The following KDM2B variants were observed in gnomAD, a reference collection of about 807,000 sequenced individuals.
KDM2B encodes lysine-specific demethylase 2B.
Under a neutral mutation model 150.0 loss-of-function variants are expected in KDM2B, and 26 were observed. The ratio of observed to expected loss-of-function variants is 0.17; its 90% CI spans 0.13 to 0.24. The LOEUF (loss-of-function observed/expected upper bound fraction) is 0.24, where lower values mean the gene tolerates loss of function less well. KDM2B is among the 10% of genes least tolerant of loss of function. KDM2B has a pLI of 1.00. For missense variants in KDM2B, 1,265 were observed against 1,816.9 expected (o/e 0.70, Z 5.52); for synonymous variants, 734 against 729.5 (o/e 1.01, Z -0.10).
chr12:121,419,087 A>G, the KDM2B span, among the ~76,000 whole-genome samples: 5 of 150,128 alleles, frequency 3.3e-5, 1 homozygote, highest in Admixed American at 3.3e-4. Flanking sequence ...TGTGTCCTCT[A>G]ATAATGTTTT....
At chr12:121,522,856 T>C (rs535554473) in intron 8 of KDM2B, among the ~76,000 whole-genome samples, 2 of 152,194 alleles carry the variant, frequency 1.3e-5, no homozygotes, top group East Asian at 1.9e-4. Flanking sequence ...ACAAAAATTA[T>C]GGATGAGGAA....
rs1053504858 is a variant in KDM2B at position 121,535,106 on chromosome 12, G to A, written c.684-516C>T. 2.6e-5 allele frequency among the ~76,000 whole-genome samples: 4 copies of A among 151,772 alleles called. No homozygotes were observed. The East Asian group carries it at 5.8e-4, about 22-fold the overall frequency. ...TTCATTCAACCAGAGGTCCAGCCCC[G>A]AGCCAGCTTTGGCCTTGAGAGAAAT... On this transcript the variant is annotated intron_variant, in intron 6 of 22. Transcript: ENST00000377071.
At chr12:121,496,563 C>G (rs1269448452) in intron 11 of KDM2B, among the ~76,000 whole-genome samples, 1 of 146,038 alleles carries the variant, frequency 6.8e-6, no homozygotes, top group Non-Finnish European at 1.5e-5. Context: ...GGCACAATCT[C>G]AGCTCACTGT....
At chr12:121,436,890 G>GAGCAAAACCTCCCACTTACTGT (rs1555286911) in intron 22 of KDM2B, among the ~76,000 whole-genome samples, 1 of 152,180 alleles carries the variant, frequency 6.6e-6, no homozygotes, top group East Asian at 1.9e-4. Context: ...GAAGATGGTG[G>GAGCAAAACCTCCCACTTACTGT]AGCAAAACCT....
chr12:121,469,763 T>TA (rs1880559768), intron 12 of KDM2B: 1 of 152,024 alleles, frequency 6.6e-6, no homozygotes, highest in Non-Finnish European at 1.5e-5. Flanking sequence ...TGGTCAAGCC[T>TA]ACAGGGGTAT....
chr12:121,479,928 C>A (rs1047353449), intron 12 of KDM2B, among the ~76,000 whole-genome samples: 1 of 152,014 alleles, frequency 6.6e-6, no homozygotes, highest in East Asian at 1.9e-4. Flanking sequence ...AGCTCTCTCG[C>A]TTTTAAAGAG....
chr12:121,494,899 C>T (rs1231864033), intron 11 of KDM2B, among the ~76,000 whole-genome samples: 1 of 152,122 alleles, frequency 6.6e-6, no homozygotes, highest in Non-Finnish European at 1.5e-5. Flanking sequence ...CAAAGCAAAT[C>T]ACATACCTCC....
downstream of KDM2B, among the ~76,000 whole-genome samples, chr12:121,426,866 C>G (rs370593656): frequency 6.6e-6 from 1 of 152,004 alleles, no homozygotes; most frequent in African/African-American, 2.4e-5. Flanking sequence ...TCGGGTGATT[C>G]GCCCGCCTCG....
Position 121,512,470 on chromosome 12 carries a change from T to C in KDM2B, c.1174+806A>G, listed in dbSNP as rs371771033. ...AAAATCCTAGAGGCTGCAGGAAAAA[T>C]TGTGCAGACCCTCAAGGAGACAGAC... is the stretch of plus-strand genomic sequence containing the variant. On this transcript the variant is annotated intron_variant, in intron 10 of 22. Transcript: ENST00000377071. Among the ~76,000 whole-genome samples the C allele has an allele frequency of 8.0e-4, 121 of 151,612 alleles. No homozygotes were observed. The South Asian group carries it at 0.019, about 24-fold the overall frequency.
intron 4 of KDM2B, among the ~76,000 whole-genome samples, chr12:121,568,149 G>T (rs1016127286): frequency 6.6e-6 from 1 of 152,098 alleles, no homozygotes; most frequent in East Asian, 1.9e-4. Flanking sequence ...GAAAAGACCT[G>T]ATGAGACATT....
intron 22 of KDM2B, among the ~76,000 whole-genome samples, chr12:121,435,750 C>T (rs558246842): frequency 1.3e-5 from 2 of 152,296 alleles, no homozygotes; most frequent in Non-Finnish European, 2.9e-5. Flanking sequence ...ACCCTACACC[C>T]TTAGGAGATC....
rs117131837 is a variant in KDM2B, at chr12:121,537,271, G to A, written c.684-2681C>T. The stretch of plus-strand genomic sequence containing the variant: ...TGGCTCCGGGGCTCCCCCCTGGCTG[G>A]TTTGCTCGCTCGCTCTGGCGTGACG... On this transcript the variant is annotated intron_variant, in intron 6 of 22. Coordinates refer to ENST00000377071, the MANE Select transcript of KDM2B (RefSeq NM_032590.5). This position sits in a 1 kb window ranked among gnomAD's most constrained non-coding sequence, Gnocchi z 8.7. The A allele has an allele frequency of 9.3e-4, 143 of 153,028 alleles. 1 individual carries two copies. The East Asian group carries it at 0.022, about 23-fold the overall frequency. 9.5% of individuals were successfully genotyped at this position (153,028 alleles called of 1,614,324 possible). A position where few individuals can be genotyped will look rare whatever the true frequency, so the allele number is the denominator to read the frequency against.
In KDM2B at chr12:121,430,170, A is replaced by T. The variant is rs781792786; in HGVS notation, c.*118T>A. The T allele has an allele frequency of 1.2e-6, 2 of 1,614,218 alleles. No individual in the cohort carries two copies. Among genetic ancestry groups the T allele is most frequent in the East Asian group, 4.5e-5 (2 of 44,896 alleles). On this transcript the variant is annotated 3_prime_UTR_variant, in exon 23 of 23. Coordinates refer to ENST00000377071, the MANE Select transcript of KDM2B (RefSeq NM_032590.5). The surrounding 1 kb of genome is among the most constrained non-coding windows in gnomAD (Gnocchi z 4.4). Reference sequence around the variant, plus strand: ...AGCTTCTCCCTTGGAAAGACTTGCAAAATGGAATTGCGTTGTGGTCTGTTG... The same window carrying T: ...AGCTTCTCCCTTGGAAAGACTTGCATAATGGAATTGCGTTGTGGTCTGTTG...
chr12:121,491,635 A>T (rs145991317), intron 12 of KDM2B, among the ~76,000 whole-genome samples: 8,060 of 152,056 alleles, frequency 0.053, 289 homozygotes, highest in Middle Eastern at 0.099. Flanking sequence ...TCTACTAAAA[A>T]TACAAAAAAT....
At chr12:121,446,527 C>T (rs529511131) in intron 13 of KDM2B, among the ~76,000 whole-genome samples, 1 of 152,310 alleles carries the variant, frequency 6.6e-6, no homozygotes, top group African/African-American at 2.4e-5. Context: ...CGTAAAGTGC[C>T]TCGGCACACA....
chr12:121,409,106 A>G, the KDM2B span, among the ~76,000 whole-genome samples: 1 of 151,964 alleles, frequency 6.6e-6, no homozygotes, highest in Non-Finnish European at 1.5e-5. Flanking sequence ...CAGCCTCTCG[A>G]GTAGCTTGGA....
chr12:121,439,425 G>A (rs900742068), intron 22 of KDM2B, among the ~76,000 whole-genome samples: 2 of 147,194 alleles, frequency 1.4e-5, no homozygotes, highest in Non-Finnish European at 3.0e-5. Flanking sequence ...TTGTCACATA[G>A]GCTGGAGTGC....
chr12:121,511,625 G>C (rs902566257), intron 10 of KDM2B, among the ~76,000 whole-genome samples: 2 of 152,176 alleles, frequency 1.3e-5, no homozygotes, highest in African/African-American at 2.4e-5. Context: ...GCCCGGCCCC[G>C]GGTTTCTTTT....
chr12:121,419,037 C>T, the KDM2B span, among the ~76,000 whole-genome samples: 5 of 152,244 alleles, frequency 3.3e-5, no homozygotes, highest in Admixed American at 6.5e-5. Flanking sequence ...TGAATAAATG[C>T]AGAGGGAAAT....
Sources: allele counts gnomAD v4.1 joint callset (sites outside exome capture counted in the v4.1 genomes callset), GRCh38; gene constraint gnomAD v4.1.1; non-coding constraint Gnocchi (gnomAD v3.1); transcripts MANE v1.5; gene names NCBI Gene and HGNC (gene_info 2026-07-23, HGNC 2026-07-21).